The following EPHX1 variants were observed in gnomAD, a reference collection of about 807,000 sequenced individuals.
The protein encoded by EPHX1 is epoxide hydratase.
A neutral mutation model predicts 43.2 loss-of-function variants in EPHX1; 40 were observed. That is an observed-to-expected ratio of 0.93 (90% CI 0.72 to 1.21). The LOEUF is 1.21. Ranked by LOEUF, EPHX1 falls within the 50% of genes most tolerant of loss-of-function variation. EPHX1 has a pLI of 0.00. For synonymous variants in EPHX1, 221 were observed against 226.7 expected, an observed-to-expected ratio of 0.98 and a Z score of 0.22; for missense variants, 550 against 570.4, an observed-to-expected ratio of 0.96 and a Z score of 0.36.
rs1666803292 is a variant in EPHX1, at chr1:225,817,954, A to G, written c.-6+7785A>G. ...GGAGGGGAGTCTTTGGGCAGGCGGTAGACCTGCCCTTTACTTTGTGTGGCC... is the reference window on the plus strand; with the variant it reads ...GGAGGGGAGTCTTTGGGCAGGCGGTGGACCTGCCCTTTACTTTGTGTGGCC... On this transcript the variant is annotated intron_variant, in intron 1 of 8. Coordinates refer to ENST00000272167, the MANE Select transcript of EPHX1 (RefSeq NM_001136018.4). The surrounding 1 kb of genome is among the most constrained non-coding windows in gnomAD (Gnocchi z 5.7). Among the ~76,000 whole-genome samples, 1 of 152,202 alleles carries G rather than the reference A, an allele frequency of 6.6e-6. No homozygotes were observed. The highest frequency in any genetic ancestry group is 6.5e-5 in the Admixed American group (1 of 15,282).
At chr1:225,841,972 C>T (rs1668467033) in intron 6 of EPHX1, among the ~76,000 whole-genome samples, 1 of 152,132 alleles carries the variant, frequency 6.6e-6, no homozygotes, top group Non-Finnish European at 1.5e-5. Context: ...GTAACTGATC[C>T]CCTATTTTAG....
intron 1 of EPHX1, among the ~76,000 whole-genome samples, chr1:225,814,373 A>G (rs894149457): frequency 1.3e-5 from 2 of 152,200 alleles, no homozygotes; most frequent in Non-Finnish European, 2.9e-5. Context: ...GTCTCAAATA[A>G]TTTTTAAAAA....
In EPHX1 at chr1:225,845,391, C is replaced by T. The variant is rs768322107; in HGVS notation, c.*44C>T. ...CCTGCCACCTCCCCCCACAAGTGCC[C>T]TCCAGGCTTTTCTTGGGGAAGATAC... On this transcript the variant is annotated 3_prime_UTR_variant, in exon 9 of 9. Transcript: ENST00000272167. 4 of 1,534,598 alleles carry T rather than the reference C, an allele frequency of 2.6e-6. No homozygotes were observed. The African/African-American group carries it at 5.5e-5, about 21-fold the overall frequency.
chr1:225,823,714 C>T (rs1258865029), intron 1 of EPHX1, among the ~76,000 whole-genome samples: 2 of 152,170 alleles, frequency 1.3e-5, no homozygotes, highest in South Asian at 2.1e-4. Context: ...CTTAGTGCCA[C>T]CCCCTCCCCA....
In EPHX1 at chr1:225,838,885, C is replaced by A; in HGVS notation, c.592+4C>A. 6.2e-7 allele frequency: 1 copy of A among 1,613,552 alleles called. No homozygotes were observed. On this transcript the variant is annotated splice_donor_region_variant and intron_variant, in intron 4 of 8. Coordinates refer to ENST00000272167, the MANE Select transcript of EPHX1 (RefSeq NM_001136018.4). ...TCAGAGGCATCCTCCAAGAAGGGTA[C>A]GGGGCTGCTAGAGGTTCCATAACTG...
chr1:225,839,134 A>C, intron 4 of EPHX1, 83 bp from the exon 5 acceptor site: 1 of 1,605,220 alleles, frequency 6.2e-7, no homozygotes, highest in African/African-American at 1.3e-5. Context: ...GGCGGGCCTG[A>C]GAAATTTCAT....
chr1:225,814,212 G>A (rs930161593), intron 1 of EPHX1, among the ~76,000 whole-genome samples: 15 of 152,116 alleles, frequency 9.9e-5, no homozygotes, highest in African/African-American at 3.4e-4. Context: ...AGACCAGCCT[G>A]GGCAACAAAG....
intron 1 of EPHX1, among the ~76,000 whole-genome samples, chr1:225,816,837 C>T (rs1666747125): frequency 6.6e-6 from 1 of 152,210 alleles, no homozygotes; most frequent in Non-Finnish European, 1.5e-5. Flanking sequence ...GGGGCTCCCT[C>T]AACCACATTG....
At chr1:225,813,553 G>A (rs1025369710) in intron 1 of EPHX1, among the ~76,000 whole-genome samples, 5 of 152,236 alleles carry the variant, frequency 3.3e-5, no homozygotes, top group Admixed American at 1.3e-4. Context: ...CCAATCCTCC[G>A]TTATATAACT....
chr1:225,814,239 T>C (rs1047258437), intron 1 of EPHX1, among the ~76,000 whole-genome samples: 1 of 151,978 alleles, frequency 6.6e-6, no homozygotes, highest in African/African-American at 2.4e-5. Context: ...CTCGTCTCTA[T>C]AAAGAATAAA....
chr1:225,831,267 A>G (rs774281653), intron 2 of EPHX1, among the ~76,000 whole-genome samples: 3 of 152,162 alleles, frequency 2.0e-5, no homozygotes, highest in Non-Finnish European at 4.4e-5. Context: ...GTAAAAGATG[A>G]GCTGGGCGCA....
chr1:225,839,405 T>C (rs1266667687), intron 5 of EPHX1, 59 bp downstream of exon 5: 4 of 1,210,198 alleles, frequency 3.3e-6, no homozygotes, highest in Admixed American at 2.2e-5. Context: ...GTGTGTGTCC[T>C]CTAAGAAGTG....
intron 1 of EPHX1, among the ~76,000 whole-genome samples, chr1:225,826,493 C>G (rs530322399): frequency 6.9e-6 from 1 of 144,726 alleles, no homozygotes; most frequent in African/African-American, 2.5e-5. Flanking sequence ...CCTGGCTTGG[C>G]TGGAGATGGA....
At chr1:225,823,162 G>A (rs891499015) in intron 1 of EPHX1, among the ~76,000 whole-genome samples, 151 of 151,600 alleles carry the variant, frequency 1.0e-3, no homozygotes, top group East Asian at 1.8e-3. Context: ...AGATTTGAAC[G>A]ACCCAAAGAG....
chr1:225,811,721 C>G (rs780975613), intron 1 of EPHX1, among the ~76,000 whole-genome samples: 8 of 152,222 alleles, frequency 5.3e-5, no homozygotes, highest in Admixed American at 2.6e-4. Context: ...ACTGGCCCCA[C>G]TTGGTCTGAC....
At chr1:225,843,459 G>A (rs147313437) in intron 7 of EPHX1, among the ~76,000 whole-genome samples, 1 of 152,320 alleles carries the variant, frequency 6.6e-6, no homozygotes, top group Non-Finnish European at 1.5e-5. Flanking sequence ...AGCCTCAGCA[G>A]GGCCTTCGTC....
At chr1:225,819,399 T>TAAAA (rs56943900) in intron 1 of EPHX1, among the ~76,000 whole-genome samples, 1 of 142,690 alleles carries the variant, frequency 7.0e-6, no homozygotes, top group East Asian at 2.0e-4. Context: ...AGACTCCATC[T>TAAAA]AAAAAAAAAA....
chr1:225,828,867 C>T lies in EPHX1; in HGVS notation c.138C>T (p.Asp46=). 2 of 1,604,764 alleles carry T rather than the reference C, an allele frequency of 1.2e-6. No homozygotes were observed. The highest frequency in any genetic ancestry group is 1.7e-6 in the Non-Finnish European group (2 of 1,174,488). The change falls in exon 2 of 9, where the codon GAC becomes GAT. Residue 46 remains aspartate (D), a synonymous_variant. Transcript: ENST00000272167. ...PGTRSAARED[D]SIRPFKVETS... ...CGAGGTCCGCAGCCAGGGAGGACGA[C>T]AGCATCCGCCCTTTCAAGGTGGAAA...
chr1:225,829,734 C>T (rs968874093), intron 2 of EPHX1, among the ~76,000 whole-genome samples: 6 of 151,996 alleles, frequency 3.9e-5, no homozygotes, highest in Non-Finnish European at 8.8e-5. Context: ...GCATACAGTC[C>T]AGTGAATGAG....
Sources: allele counts gnomAD v4.1 joint callset (sites outside exome capture counted in the v4.1 genomes callset), GRCh38; gene constraint gnomAD v4.1.1; non-coding constraint Gnocchi (gnomAD v3.1); transcripts MANE v1.5; gene names NCBI Gene and HGNC (gene_info 2026-07-23, HGNC 2026-07-21).